The following SHC2 variants were observed in gnomAD, a reference collection of about 807,000 sequenced individuals.
SHC2 encodes SHC-transforming protein 2.
A neutral mutation model predicts 60.6 loss-of-function variants in SHC2; 62 were observed. That is an observed-to-expected ratio of 1.02 (90% CI 0.83 to 1.26). The LOEUF (loss-of-function observed/expected upper bound fraction) is 1.26, where lower values mean the gene tolerates loss of function less well. SHC2 is among the 50% of genes most tolerant of loss of function. The pLI, the probability that SHC2 is intolerant of heterozygous loss-of-function variation, is 0.00. For synonymous variants in SHC2, 375 were observed against 372.4 expected (o/e 1.01, Z -0.08); for missense variants, 873 against 822.2 (o/e 1.06, Z -0.76).
intron 1 of SHC2, among the ~76,000 whole-genome samples, chr19:447,671 G>A (rs1040644967): frequency 2.0e-5 from 3 of 152,114 alleles, no homozygotes; most frequent in South Asian, 2.1e-4. Flanking sequence ...CCAGCTACTC[G>A]GGAGGCTGAG....
chr19:422,079 ACCC>A lies in SHC2; in HGVS notation c.1620+64_1620+66del. Reference sequence around the variant, plus strand: ...CAGCGAAGCCCCTGGATGCCCCGAGACCCTCCCACCTGTGCCCAGCGAAGCCCC... The same window carrying A: ...CAGCGAAGCCCCTGGATGCCCCGAGATCCCACCTGTGCCCAGCGAAGCCCC... On this transcript the variant is annotated intron_variant, in intron 11 of 12. Coordinates refer to ENST00000264554, the MANE Select transcript of SHC2 (RefSeq NM_012435.3). This position sits in a 1 kb window ranked among gnomAD's most constrained non-coding sequence, Gnocchi z 5.0. 1 of 1,048,576 alleles carries A rather than the reference ACCC, an allele frequency of 9.5e-7. No homozygotes were observed. The highest frequency in any genetic ancestry group is 1.3e-6 in the Non-Finnish European group (1 of 742,808). 65.0% of individuals were successfully genotyped at this position (1,048,576 alleles called of 1,614,324 possible).
rs1974705949 is a variant in SHC2 at position 435,993 on chromosome 19, GTGT to G, written c.953+169_953+171del. ...GGCAGGCGGGGATGCGTTTACTCGG[GTGT>G]TAACAGCCGAGGAAACAGGATCCTC... On this transcript the variant is annotated intron_variant, in intron 7 of 12. Coordinates refer to ENST00000264554, the MANE Select transcript of SHC2 (RefSeq NM_012435.3). The G allele has an allele frequency of 4.4e-6, 3 of 678,170 alleles. No homozygotes were observed. The Admixed American group carries it at 8.7e-5, about 20-fold the overall frequency. 42.0% of individuals were successfully genotyped at this position (678,170 alleles called of 1,614,324 possible). A position where few individuals can be genotyped will look rare whatever the true frequency, so the allele number is the denominator to read the frequency against.
At position 436,294 on chromosome 19, in the gene SHC2, G is replaced by A. The variant is rs773932622; in HGVS notation, c.827-3C>T. On this transcript the variant is annotated splice_polypyrimidine_tract_variant and splice_region_variant and intron_variant, in intron 6 of 12. Coordinates refer to ENST00000264554, the MANE Select transcript of SHC2 (RefSeq NM_012435.3). ...ACAGCACTCCAGGATGTGGCAGGCT[G>A]CGGGCACGTTGGTCATGCAGCCTCC... 2 of 1,589,022 alleles carry A rather than the reference G, an allele frequency of 1.3e-6. No homozygotes were observed. The highest frequency in any genetic ancestry group is 2.3e-5 in the East Asian group (1 of 43,218).
At position 425,524 on chromosome 19, in the gene SHC2, C is replaced by T. The variant is rs1317432417; in HGVS notation, c.1175-293G>A. Among the ~76,000 whole-genome samples, 2 of 152,336 alleles carry T rather than the reference C, an allele frequency of 1.3e-5. No individual in the cohort carries two copies. Among genetic ancestry groups the T allele is most frequent in the East Asian group, 1.9e-4 (1 of 5,178 alleles). On this transcript the variant is annotated intron_variant, in intron 9 of 12. Coordinates refer to ENST00000264554, the MANE Select transcript of SHC2 (RefSeq NM_012435.3). The surrounding 1 kb of genome is among the most constrained non-coding windows in gnomAD (Gnocchi z 4.1). Reference sequence around the variant, plus strand: ...CCCAGGGAGAAGGCAGCCGCTGCTCCACCCCACCCCGCCCTGGCCCTCCCC... The same window carrying T: ...CCCAGGGAGAAGGCAGCCGCTGCTCTACCCCACCCCGCCCTGGCCCTCCCC...
intron 1 of SHC2, among the ~76,000 whole-genome samples, chr19:449,134 C>T (rs1005692448): frequency 6.6e-5 from 10 of 152,162 alleles, no homozygotes; most frequent in African/African-American, 2.4e-4. Flanking sequence ...TGCCACTGCA[C>T]TCCAGCCTGG....
chr19:447,545 G>A (rs189748493), intron 1 of SHC2, among the ~76,000 whole-genome samples: 15 of 152,360 alleles, frequency 9.8e-5, no homozygotes, highest in Admixed American at 1.3e-4. Context: ...TTGGGAGGCC[G>A]AGGCGGGCGG....
At chr19:454,369 C>A (rs2145754062) in intron 1 of SHC2, among the ~76,000 whole-genome samples, 2 of 152,284 alleles carry the variant, frequency 1.3e-5, no homozygotes, top group South Asian at 2.1e-4. Context: ...AGACAGGGGA[C>A]CCTGTTCTGC....
intron 1 of SHC2, among the ~76,000 whole-genome samples, chr19:444,371 G>C (rs1300427752): frequency 6.6e-6 from 1 of 152,100 alleles, no homozygotes. Flanking sequence ...GATGATGTCT[G>C]TGCCAGTGTC....
chr19:447,260 G>A (rs374547184), intron 1 of SHC2, among the ~76,000 whole-genome samples: 25 of 146,320 alleles, frequency 1.7e-4, no homozygotes, highest in Non-Finnish European at 3.2e-4. Flanking sequence ...AAGACAGGCC[G>A]ATCCACAGAG....
intron 11 of SHC2, among the ~76,000 whole-genome samples, chr19:420,557 T>C (rs1209837700): frequency 6.6e-6 from 1 of 152,190 alleles, no homozygotes; most frequent in Non-Finnish European, 1.5e-5. Context: ...TTTAAATGCT[T>C]TAGAAGCTGG....
chr19:420,012 T>C (rs1463457459), intron 11 of SHC2: 2 of 152,240 alleles, frequency 1.3e-5, no homozygotes, highest in African/African-American at 4.8e-5. Context: ...CCTAGGCCTG[T>C]GGCACAATCA....
At chr19:449,675 C>T (rs529575559) in intron 1 of SHC2, among the ~76,000 whole-genome samples, 1 of 151,902 alleles carries the variant, frequency 6.6e-6, no homozygotes, top group Non-Finnish European at 1.5e-5. Flanking sequence ...GTAGGAGAAT[C>T]GCTTGAACCC....
In SHC2 at chr19:460,665, C is replaced by A. The variant is rs1156924606; in HGVS notation, c.332G>T (p.Arg111Leu). ...GAGSRGSRGG[R>L]GAAGSGDAAA... ...GGCGTCCCCGGACCCCGCCGCCCCCCGCCCGCCCCGCGACCCCCGCGACCC... is the reference window on the plus strand; with the variant it reads ...GGCGTCCCCGGACCCCGCCGCCCCCAGCCCGCCCCGCGACCCCCGCGACCC... Residue 111 changes from arginine (R) to leucine (L), a missense_variant, in exon 1 of 13, where the codon CGG becomes CTG. By Grantham distance (102) the Arg-to-Leu change is moderately radical (BLOSUM62 -2). Transcript: ENST00000264554. The A allele has an allele frequency of 3.6e-6, 4 of 1,126,040 alleles. No homozygotes were observed. The highest frequency in any genetic ancestry group is 5.2e-5 in the Admixed American group (1 of 19,390). 69.8% of individuals were successfully genotyped at this position (1,126,040 alleles called of 1,614,324 possible).
At chr19:458,461 G>A (rs569344060) in intron 1 of SHC2, among the ~76,000 whole-genome samples, 15 of 132,818 alleles carry the variant, frequency 1.1e-4, no homozygotes, top group Admixed American at 5.3e-4. Flanking sequence ...AGTGGGTTCC[G>A]GGGAGGCAGA....
Position 425,156 on chromosome 19 carries a change from G to C in SHC2, c.1250C>G (p.Thr417Ser). The change falls in exon 10 of 13, where the codon ACC becomes AGC. Residue 417 changes from threonine to serine, a missense_variant. Coordinates refer to ENST00000264554, the MANE Select transcript of SHC2 (RefSeq NM_012435.3). This position sits in a 1 kb window ranked among gnomAD's most constrained non-coding sequence, Gnocchi z 4.1. ...CGGCTCGGGGGCGTCCAGACCCTGG[G>C]TGTTGACATACAGGTGCTCCTCGTG... is the stretch of plus-strand genomic sequence containing the variant. ...PDHEEHLYVN[T>S]QGLDAPEPED... is the part of the protein sequence containing the mutation. The C allele has an allele frequency of 7.2e-7, 1 of 1,381,312 alleles. No homozygotes were observed. The highest frequency in any genetic ancestry group is 9.4e-7 in the Non-Finnish European group (1 of 1,059,356). 85.6% of individuals were successfully genotyped at this position (1,381,312 alleles called of 1,614,324 possible). A position where few individuals can be genotyped will look rare whatever the true frequency, so the allele number is the denominator to read the frequency against.
At chr19:427,855 AG>A (rs1225046017) in intron 9 of SHC2, among the ~76,000 whole-genome samples, 4 of 116,106 alleles carry the variant, frequency 3.4e-5, no homozygotes, top group Non-Finnish European at 6.9e-5. Flanking sequence ...GGCACAGGGA[AG>A]GGGGAACTGC....
intron 4 of SHC2, among the ~76,000 whole-genome samples, chr19:437,528 G>A (rs772638097): frequency 2.6e-5 from 4 of 151,906 alleles, no homozygotes; most frequent in African/African-American, 9.7e-5. Context: ...AGGGACCCTC[G>A]AGGCTCTCCC....
At chr19:444,969 G>A (rs908663405) in intron 1 of SHC2, among the ~76,000 whole-genome samples, 3 of 152,224 alleles carry the variant, frequency 2.0e-5, no homozygotes, top group Non-Finnish European at 2.9e-5. Context: ...GCAGAGCTGG[G>A]TCCTGAACCC....
In SHC2 at chr19:440,827, A is replaced by C; in HGVS notation, c.539+35T>G. The C allele has an allele frequency of 1.3e-6, 2 of 1,579,158 alleles. No individual in the cohort carries two copies. Among genetic ancestry groups the C allele is most frequent in the Non-Finnish European group, 1.7e-6 (2 of 1,149,500 alleles). ...GCTGCCGCCCTCCAGTGCGTCACTC[A>C]GCCCTACGCGGCCAGGGCAGGGTTG... is the stretch of plus-strand genomic sequence containing the variant. On this transcript the variant is annotated intron_variant, in intron 2 of 12. Coordinates refer to ENST00000264554, the MANE Select transcript of SHC2 (RefSeq NM_012435.3). This position sits in a 1 kb window ranked among gnomAD's most constrained non-coding sequence, Gnocchi z 7.0.
Sources: allele counts gnomAD v4.1 joint callset (sites outside exome capture counted in the v4.1 genomes callset), GRCh38; gene constraint gnomAD v4.1.1; non-coding constraint Gnocchi (gnomAD v3.1); transcripts MANE v1.5; gene names NCBI Gene and HGNC (gene_info 2026-07-23, HGNC 2026-07-21).